The following ZNF827 variants were observed in gnomAD, a reference collection of about 807,000 sequenced individuals.
ZNF827 encodes the protein zinc finger protein 827.
A neutral mutation model predicts 102.4 loss-of-function variants in ZNF827; 13 were observed. The observed-to-expected ratio is 0.13, with a 90% CI of 0.08 to 0.20. ZNF827 has a LOEUF of 0.20. ZNF827 is among the 10% of genes least tolerant of loss of function. The pLI, the probability that ZNF827 is intolerant of heterozygous loss-of-function variation, is 1.00. For synonymous variants in ZNF827, 523 were observed against 536.2 expected, an observed-to-expected ratio of 0.98 and a Z score of 0.34; for missense variants, 1,103 against 1,344.4, an observed-to-expected ratio of 0.82 and a Z score of 2.81.
chr4:145,765,694 A>C lies in ZNF827; in HGVS notation c.2905T>G (p.Ser969Ala). The change falls in exon 12 of 15, where the codon TCC becomes GCC. Residue 969 changes from serine to alanine, a missense_variant. Ser to Ala is a moderately conservative substitution (Grantham distance 99, BLOSUM62 1). Coordinates refer to ENST00000508784, the MANE Select transcript of ZNF827 (RefSeq NM_001306215.2). The surrounding 1 kb of genome is among the most constrained non-coding windows in gnomAD (Gnocchi z 4.7). ...TPSESNSPSS[S>A]SLSALSDSAN... ...GAATCACTCAGAGCTGAGAGGGAGG[A>C]TGAAGAGGGGCTATTTGATTCGCTG... The C allele has an allele frequency of 1.9e-6, 3 of 1,614,080 alleles. No homozygotes were observed. Among genetic ancestry groups the C allele is most frequent in the Non-Finnish European group, 2.5e-6 (3 of 1,179,998 alleles).
rs1024083747 is a variant in ZNF827, at chr4:145,930,683, C to T, written c.43+7682G>A. 4.1e-4 allele frequency among the ~76,000 whole-genome samples: 62 copies of T among 152,124 alleles called. 1 individual carries two copies. Among genetic ancestry groups the T allele is most frequent in the Non-Finnish European group, 2.6e-4 (18 of 68,030 alleles). On this transcript the variant is annotated intron_variant, in intron 1 of 14. Coordinates refer to ENST00000508784, the MANE Select transcript of ZNF827 (RefSeq NM_001306215.2). ...GGAATGGACAGTCGGAAACAATATC[C>T]TTTTTAGGCACACTGAATTTGCTGC...
At chr4:145,888,888 A>G (rs1750355824) in intron 3 of ZNF827, among the ~76,000 whole-genome samples, 1 of 152,232 alleles carries the variant, frequency 6.6e-6, no homozygotes, top group African/African-American at 2.4e-5. Flanking sequence ...GGTGATAAAA[A>G]CATTTGCACG....
At chr4:145,879,132 T>G (rs192183674) in intron 4 of ZNF827, among the ~76,000 whole-genome samples, 87 of 151,576 alleles carry the variant, frequency 5.7e-4, no homozygotes, top group African/African-American at 2.1e-3. Context: ...AAAAAAAAAA[T>G]AGGTAATAGC....
At chr4:145,830,159 G>A (rs189262644) in intron 7 of ZNF827, among the ~76,000 whole-genome samples, 1 of 152,190 alleles carries the variant, frequency 6.6e-6, no homozygotes, top group Admixed American at 6.5e-5. Context: ...CCATGTCTGT[G>A]TTTCATATAA....
In ZNF827 at chr4:145,782,130, C is replaced by CG. The variant is rs1738156084; in HGVS notation, c.2384-2620dup. On this transcript the variant is annotated intron_variant, in intron 8 of 14. Coordinates refer to ENST00000508784, the MANE Select transcript of ZNF827 (RefSeq NM_001306215.2). The stretch of plus-strand genomic sequence containing the variant: ...CAGTCCCACGCCCAACTCCAAGCCT[C>CG]GTCTAGGAATCGCTGCTCTCCCCAC... 2.0e-5 allele frequency among the ~76,000 whole-genome samples: 3 copies of CG among 152,332 alleles called. No homozygotes were observed. In the South Asian group the frequency reaches 6.2e-4, roughly 32 times the overall value.
chr4:145,781,434 G>A (rs1738043945), intron 8 of ZNF827, among the ~76,000 whole-genome samples: 1 of 152,138 alleles, frequency 6.6e-6, no homozygotes, highest in Non-Finnish European at 1.5e-5. Flanking sequence ...GAAATGGGAG[G>A]AGGGGAAATG....
Position 145,884,714 on chromosome 4 carries a change from T to C in ZNF827, c.1747+964A>G, listed in dbSNP as rs1190735916. 2.6e-5 allele frequency among the ~76,000 whole-genome samples: 4 copies of C among 152,098 alleles called. No homozygotes were observed. The South Asian group carries it at 8.3e-4, about 32-fold the overall frequency. ...TCAACACCACGACTTAAATCAAATA[T>C]GTTGGGAAAAAATGATAAAAAAAGA... On this transcript the variant is annotated intron_variant, in intron 4 of 14. Coordinates refer to ENST00000508784, the MANE Select transcript of ZNF827 (RefSeq NM_001306215.2).
intron 4 of ZNF827, among the ~76,000 whole-genome samples, chr4:145,884,914 A>G (rs943053666): frequency 2.6e-5 from 4 of 152,102 alleles, no homozygotes; most frequent in Non-Finnish European, 4.4e-5. Flanking sequence ...CTATAGTCAG[A>G]TTCAAAGACA....
chr4:145,816,539 GC>G (rs1742613793), intron 8 of ZNF827, among the ~76,000 whole-genome samples: 1 of 152,182 alleles, frequency 6.6e-6, no homozygotes, highest in Non-Finnish European at 1.5e-5. Flanking sequence ...AGCTGACAGT[GC>G]CTAATGAAAG....
chr4:145,863,425 A>G (rs1415966993), intron 5 of ZNF827, among the ~76,000 whole-genome samples: 3 of 152,214 alleles, frequency 2.0e-5, no homozygotes, highest in East Asian at 1.9e-4. Context: ...TAAAAACCTA[A>G]GCCCACACAA....
rs566842742 is a variant in ZNF827, at chr4:145,916,288, T to C, written c.44-13073A>G. 2.2e-3 allele frequency among the ~76,000 whole-genome samples: 342 copies of C among 152,286 alleles called. 3 individuals are homozygous for C. The highest frequency in any genetic ancestry group is 7.9e-3 in the African/African-American group (329 of 41,562). ...AGCCATATGCCCACAGCTCTTGAAT[T>C]TTGAGCACCTGCACACTTCTACCAC... On this transcript the variant is annotated intron_variant, in intron 1 of 14. Transcript: ENST00000508784.
chr4:145,932,357 C>T (rs576079232), intron 1 of ZNF827, among the ~76,000 whole-genome samples: 1 of 152,298 alleles, frequency 6.6e-6, no homozygotes, highest in East Asian at 1.9e-4. Flanking sequence ...CAGACAGAAT[C>T]CGAACGCAAA....
intron 8 of ZNF827, among the ~76,000 whole-genome samples, chr4:145,812,168 C>T (rs1402012298): frequency 4.6e-5 from 7 of 151,890 alleles, no homozygotes; most frequent in Admixed American, 3.3e-4. Flanking sequence ...TCAGGTGATC[C>T]GCCTGCCTTG....
At chr4:145,869,246 A>G (rs1748475906) in intron 5 of ZNF827, among the ~76,000 whole-genome samples, 1 of 152,248 alleles carries the variant, frequency 6.6e-6, no homozygotes, top group African/African-American at 2.4e-5. Context: ...CTGTTCTGAT[A>G]TAACGACTAA....
chr4:145,863,280 C>A (rs1747896003), intron 5 of ZNF827, among the ~76,000 whole-genome samples: 1 of 152,172 alleles, frequency 6.6e-6, no homozygotes, highest in Non-Finnish European at 1.5e-5. Flanking sequence ...GAAATTGAGA[C>A]CCTCATCCAC....
In ZNF827 at chr4:145,935,663, TA is replaced by T. The variant is rs548897642; in HGVS notation, c.43+2701del. On this transcript the variant is annotated intron_variant, in intron 1 of 14. Coordinates refer to ENST00000508784, the MANE Select transcript of ZNF827 (RefSeq NM_001306215.2). ...TTATGTGACTGAAAGAGGGAGGTGA[TA>T]TTTTTTTAAGTGAGTGGCTAACAGG... 9.2e-5 allele frequency among the ~76,000 whole-genome samples: 14 copies of T among 152,280 alleles called. No homozygotes were observed. In the East Asian group the frequency reaches 2.1e-3, roughly 23 times the overall value.
Position 145,904,327 on chromosome 4 carries a change from G to A in ZNF827, c.44-1112C>T, listed in dbSNP as rs183309057. Reference sequence around the variant, plus strand: ...TCTTGGAGCTTACATTCCAGTGGGGGAAGACAAGTGTCAAACAAAATTAAT... The same window carrying A: ...TCTTGGAGCTTACATTCCAGTGGGGAAAGACAAGTGTCAAACAAAATTAAT... On this transcript the variant is annotated intron_variant, in intron 1 of 14. Coordinates refer to ENST00000508784, the MANE Select transcript of ZNF827 (RefSeq NM_001306215.2). Among the ~76,000 whole-genome samples the A allele has an allele frequency of 9.2e-5, 14 of 152,298 alleles. No homozygotes were observed. In the East Asian group the frequency reaches 1.3e-3, roughly 15 times the overall value.
intron 1 of ZNF827, among the ~76,000 whole-genome samples, chr4:145,922,113 C>A (rs528646854): frequency 3.3e-5 from 5 of 152,312 alleles, no homozygotes; most frequent in African/African-American, 1.2e-4. Flanking sequence ...CTTCAGGATT[C>A]TTTGCCTTTT....
intron 2 of ZNF827, among the ~76,000 whole-genome samples, chr4:145,899,655 C>T (rs1291795544): frequency 6.6e-6 from 1 of 152,168 alleles, no homozygotes; most frequent in Non-Finnish European, 1.5e-5. Flanking sequence ...CAAGGACCCT[C>T]ATTTTCTTGG....
Sources: gnomAD v4.1 joint callset for allele counts (sites outside exome capture counted in the v4.1 genomes callset) on GRCh38, gnomAD v4.1.1 for gene constraint, Gnocchi (gnomAD v3.1) non-coding constraint, MANE v1.5 for transcripts, NCBI Gene and HGNC (gene_info 2026-07-23, HGNC 2026-07-21) for gene names.